TCF12: variants seen among roughly 807,000 people sequenced by gnomAD.
The protein encoded by TCF12 is DNA-binding protein HTF4.
A neutral mutation model predicts 86.0 loss-of-function variants in TCF12; 45 were observed. That is an observed-to-expected ratio of 0.52 (90% CI 0.41 to 0.67). The LOEUF (loss-of-function observed/expected upper bound fraction) is 0.67, where lower values mean the gene tolerates loss of function less well. Ranked by LOEUF, TCF12 falls within the 30% of genes least tolerant of loss-of-function variation. The pLI, the probability that TCF12 is intolerant of heterozygous loss-of-function variation, is 0.00. For missense variants in TCF12, 881 were observed against 859.9 expected, an observed-to-expected ratio of 1.02 and a Z score of -0.31; for synonymous variants, 330 against 299.6, an observed-to-expected ratio of 1.10 and a Z score of -1.05.
chr15:57,266,572 T>C (rs1300946139), intron 18 of TCF12, among the ~76,000 whole-genome samples: 1 of 152,176 alleles, frequency 6.6e-6, no homozygotes, highest in East Asian at 1.9e-4. Flanking sequence ...AAATAGTAAT[T>C]TGAGAAAAGT....
intron 18 of TCF12, among the ~76,000 whole-genome samples, chr15:57,264,632 A>G (rs2060762779): frequency 2.6e-5 from 4 of 152,360 alleles, no homozygotes; most frequent in Admixed American, 2.6e-4. Context: ...AAGATCATTA[A>G]TATCACTGTC....
At chr15:57,119,883 A>T in intron 5 of TCF12, among the ~76,000 whole-genome samples, 1 of 152,132 alleles carries the variant, frequency 6.6e-6, no homozygotes, top group East Asian at 1.9e-4. Flanking sequence ...TGGACCACCA[A>T]CCTTGTTTCT....
At chr15:57,064,795 C>CAAAAAAAAAAAAAAAAA (rs1177544594) in intron 4 of TCF12, among the ~76,000 whole-genome samples, 5 of 78,066 alleles carry the variant, frequency 6.4e-5, no homozygotes, top group African/African-American at 2.2e-4. Context: ...GACTCCATCT[C>CAAAAAAAAAAAAAAAAA]AAAAAAAAAA....
chr15:57,131,338 A>G (rs2052101257), intron 5 of TCF12, among the ~76,000 whole-genome samples: 1 of 152,194 alleles, frequency 6.6e-6, no homozygotes, highest in Non-Finnish European at 1.5e-5. Context: ...TATTGCATGG[A>G]AAGCTCAACC....
At chr15:57,001,356 A>G in intron 3 of TCF12, 1 of 181,374 alleles carries the variant, frequency 5.5e-6, no homozygotes, top group East Asian at 9.1e-5. Context: ...TAGGTTTCAC[A>G]GATTTGAATA....
At chr15:57,053,062 A>G (rs1157742557) in intron 3 of TCF12, among the ~76,000 whole-genome samples, 1 of 152,148 alleles carries the variant, frequency 6.6e-6, no homozygotes, top group Non-Finnish European at 1.5e-5. Flanking sequence ...CAGCTATACC[A>G]TTTTACATTC....
rs765544411 is a variant in TCF12 at position 57,253,309 on chromosome 15, T to C, written c.1308T>C (p.His436=). 17 of 1,613,932 alleles carry C rather than the reference T, an allele frequency of 1.1e-5. No individual in the cohort carries two copies. Among genetic ancestry groups the C allele is most frequent in the East Asian group, 2.2e-5 (1 of 44,878 alleles). ...DRLDRLDDAI[H]VLRNHAVGPS... ...TAGACAGACTGGATGATGCAATCCATGTGCTGCGGAACCATGCTGTGGGAC... is the reference window on the plus strand; with the variant it reads ...TAGACAGACTGGATGATGCAATCCACGTGCTGCGGAACCATGCTGTGGGAC... Residue 436 remains histidine, a synonymous_variant, in exon 16 of 21, where the codon CAT becomes CAC. Coordinates refer to ENST00000333725, the MANE Select transcript of TCF12 (RefSeq NM_207037.2).
chr15:57,056,116 GGTGTGTGTGTGTGTGT>G (rs137934114), intron 3 of TCF12, among the ~76,000 whole-genome samples: 2 of 143,238 alleles, frequency 1.4e-5, no homozygotes, highest in East Asian at 2.1e-4. Flanking sequence ...TAGTTTTAGG[GGTGTGTGTGTGTGTGT>G]GTGTGTGTGT....
intron 3 of TCF12, among the ~76,000 whole-genome samples, chr15:56,934,588 C>T (rs556750144): frequency 1.3e-5 from 2 of 152,204 alleles, no homozygotes; most frequent in African/African-American, 4.8e-5. Context: ...CAGTATTGTC[C>T]CTTTCCATTT....
intron 6 of TCF12, among the ~76,000 whole-genome samples, chr15:57,191,578 G>T (rs1434776640): frequency 6.6e-6 from 1 of 152,192 alleles, no homozygotes; most frequent in Admixed American, 6.5e-5. Context: ...TAAAAAGTGT[G>T]ATACCACACA....
intron 8 of TCF12, among the ~76,000 whole-genome samples, chr15:57,229,667 G>A (rs1325108696): frequency 6.6e-6 from 1 of 151,834 alleles, no homozygotes; most frequent in African/African-American, 2.4e-5. Flanking sequence ...GTAATATTTA[G>A]CAACATAACT....
At chr15:57,257,490 T>A (rs976086223) in intron 16 of TCF12, among the ~76,000 whole-genome samples, 3 of 151,752 alleles carry the variant, frequency 2.0e-5, no homozygotes, top group Non-Finnish European at 4.4e-5. Flanking sequence ...AGAACCTGTA[T>A]CTACAAAAAA....
At chr15:56,979,232 T>A (rs2062766123) in intron 3 of TCF12, among the ~76,000 whole-genome samples, 1 of 152,228 alleles carries the variant, frequency 6.6e-6, no homozygotes, top group South Asian at 2.1e-4. Context: ...GGACAAAGTT[T>A]ATTGTCAACA....
intron 3 of TCF12, among the ~76,000 whole-genome samples, chr15:57,053,449 T>C (rs536415106): frequency 5.3e-5 from 8 of 152,316 alleles, no homozygotes; most frequent in African/African-American, 1.9e-4. Context: ...TGACTTTGTT[T>C]TGAGTAGCTT....
chr15:57,077,383 T>A (rs2703610), intron 4 of TCF12, among the ~76,000 whole-genome samples: 2,890 of 63,336 alleles, frequency 0.046, 180 homozygotes, highest in African/African-American at 0.098. Flanking sequence ...GTATATATAT[T>A]TTTTTTTTTT....
intron 19 of TCF12, among the ~76,000 whole-genome samples, chr15:57,280,137 G>C (rs1321641564): frequency 1.3e-5 from 2 of 151,986 alleles, no homozygotes; most frequent in African/African-American, 4.8e-5. Flanking sequence ...TGATCCGCCT[G>C]TTTCGGCCTC....
chr15:57,259,192 A>G (rs1476974129), intron 16 of TCF12, among the ~76,000 whole-genome samples: 8 of 152,198 alleles, frequency 5.3e-5, no homozygotes, highest in Admixed American at 1.3e-4. Context: ...TTTGAAAGCC[A>G]TAGAGGTTAT....
At chr15:57,240,364 G>T (rs1455313789) in intron 12 of TCF12, among the ~76,000 whole-genome samples, 1 of 152,182 alleles carries the variant, frequency 6.6e-6, no homozygotes, top group African/African-American at 2.4e-5. Flanking sequence ...ACGAAAGAAG[G>T]AGTATGTAAC....
At chr15:56,956,538 T>G (rs2061511685) in intron 3 of TCF12, among the ~76,000 whole-genome samples, 1 of 152,152 alleles carries the variant, frequency 6.6e-6, no homozygotes, top group Non-Finnish European at 1.5e-5. Context: ...TTTCTTGTAC[T>G]TCAACAACTT....
Sources: allele counts gnomAD v4.1 joint callset (sites outside exome capture counted in the v4.1 genomes callset), GRCh38; gene constraint gnomAD v4.1.1; transcripts MANE v1.5; gene names NCBI Gene and HGNC (gene_info 2026-07-23, HGNC 2026-07-21).